The following NR1D2 variants were observed in gnomAD, a reference collection of about 807,000 sequenced individuals.
NR1D2 encodes the protein V-erbA-related protein 1-related.
A neutral mutation model predicts 52.2 loss-of-function variants in NR1D2; 25 were observed. The ratio of observed to expected loss-of-function variants is 0.48; its 90% CI spans 0.35 to 0.67. The LOEUF is 0.67. NR1D2 is among the 30% of genes least tolerant of loss of function. NR1D2 has a pLI of 0.01. For synonymous variants in NR1D2, 259 were observed against 230.1 expected, an observed-to-expected ratio of 1.13 and a Z score of -1.14; for missense variants, 681 against 707.2, an observed-to-expected ratio of 0.96 and a Z score of 0.42.
intron 6 of NR1D2, among the ~76,000 whole-genome samples, chr3:23,966,135 C>T (rs546605285): frequency 1.1e-4 from 17 of 152,154 alleles, no homozygotes; most frequent in Non-Finnish European, 2.5e-4. Context: ...TGTGAGATGC[C>T]TTGGGACCTA....
intron 6 of NR1D2, among the ~76,000 whole-genome samples, chr3:23,967,480 G>C (rs1575157258): frequency 1.3e-5 from 2 of 152,132 alleles, no homozygotes; most frequent in South Asian, 4.1e-4. Context: ...GTTGGGCGTG[G>C]TGGCGCACAC....
At chr3:23,963,365 T>C in intron 5 of NR1D2, 1 of 1,310,988 alleles carries the variant, frequency 7.6e-7, no homozygotes, top group Non-Finnish European at 1.0e-6. Flanking sequence ...TTCAAAATAG[T>C]TGACTCTACC....
intron 2 of NR1D2, among the ~76,000 whole-genome samples, chr3:23,955,055 A>G (rs1367141655): frequency 6.6e-6 from 1 of 152,210 alleles, no homozygotes; most frequent in African/African-American, 2.4e-5. Context: ...CCTCTAGGGT[A>G]CCCTCTTTTA....
intron 1 of NR1D2, among the ~76,000 whole-genome samples, chr3:23,951,568 A>G (rs549567933): frequency 1.3e-5 from 2 of 152,366 alleles, no homozygotes; most frequent in African/African-American, 4.8e-5. Flanking sequence ...GGTTTTATCC[A>G]GTAACATGAC....
In NR1D2 at chr3:23,977,561, A is replaced by G. The variant is rs554176425; in HGVS notation, c.*142A>G. On this transcript the variant is annotated 3_prime_UTR_variant, in exon 8 of 8. Coordinates refer to ENST00000312521, the MANE Select transcript of NR1D2 (RefSeq NM_005126.5). ...TGTAGGCTATCTCTGTAATCATGCA[A>G]TAGCTGTTCGGATTGAGAACTCTTC... The G allele has an allele frequency of 4.2e-5, 21 of 496,136 alleles. No homozygotes were observed. In the South Asian group the frequency reaches 6.2e-4, roughly 15 times the overall value. The allele number at this position is 496,136 out of a possible 1,614,324, so 30.7% of individuals were successfully genotyped here.
intron 1 of NR1D2, among the ~76,000 whole-genome samples, chr3:23,949,691 G>C (rs1705872268): frequency 6.6e-6 from 1 of 152,156 alleles, no homozygotes; most frequent in Admixed American, 6.5e-5. Context: ...TACCACCCTT[G>C]GAGTAGAAAT....
intron 7 of NR1D2, among the ~76,000 whole-genome samples, chr3:23,972,598 G>C (rs1240515215): frequency 6.6e-6 from 1 of 152,166 alleles, no homozygotes; most frequent in Non-Finnish European, 1.5e-5. Flanking sequence ...TTTGTTGAAG[G>C]TTTGACTTTC....
In NR1D2 at chr3:23,968,045, T is replaced by G. The variant is rs1173738482; in HGVS notation, c.1543+22T>G. 3 of 1,602,378 alleles carry G rather than the reference T, an allele frequency of 1.9e-6. No homozygotes were observed. In the Admixed American group the frequency reaches 5.0e-5, roughly 27 times the overall value. The stretch of plus-strand genomic sequence containing the variant: ...GCAGGTAAGCAAGCTGGTTCAAAAT[T>G]GTGCCACACCTAGCATATAGTGACC... On this transcript the variant is annotated intron_variant, in intron 7 of 7. Transcript: ENST00000312521.
intron 7 of NR1D2, among the ~76,000 whole-genome samples, chr3:23,970,527 CTT>C (rs1274244079): frequency 2.0e-5 from 3 of 152,106 alleles, no homozygotes; most frequent in Non-Finnish European, 4.4e-5. Flanking sequence ...ATTGGGGAGT[CTT>C]TATCCATTTA....
chr3:23,949,193 T>G (rs963749516), intron 1 of NR1D2, among the ~76,000 whole-genome samples: 3 of 152,052 alleles, frequency 2.0e-5, no homozygotes, highest in African/African-American at 7.2e-5. Flanking sequence ...TGTGAAACCC[T>G]GTCTCTACTA....
chr3:23,950,902 C>CTTTTTTTTTTTTTTTT (rs1181448290), intron 1 of NR1D2, among the ~76,000 whole-genome samples: 2 of 123,106 alleles, frequency 1.6e-5, no homozygotes, highest in African/African-American at 3.3e-5. Flanking sequence ...CTTTCTTTTT[C>CTTTTTTTTTTTTTTTT]TTTTTTTTTT....
intron 4 of NR1D2, 164 bp downstream of exon 4, chr3:23,959,979 G>T (rs1016811732): frequency 5.8e-6 from 3 of 514,388 alleles, no homozygotes; most frequent in South Asian, 1.3e-4. Context: ...GATTAAAGTC[G>T]TATTTTAGCA....
intron 1 of NR1D2, 68 bp downstream of exon 1, chr3:23,945,662 G>T (rs561866720): frequency 5.5e-6 from 6 of 1,082,182 alleles, no homozygotes; most frequent in South Asian, 4.5e-5. Flanking sequence ...GGGCACTTTG[G>T]GGGGCGGCGG....
At chr3:23,953,515 G>A (rs1706001801) in intron 1 of NR1D2, among the ~76,000 whole-genome samples, 1 of 152,090 alleles carries the variant, frequency 6.6e-6, no homozygotes, top group Non-Finnish European at 1.5e-5. Flanking sequence ...CACCTATAAA[G>A]AGCGAGTCAG....
At chr3:23,962,701 C>G in intron 5 of NR1D2, 96 bp downstream of exon 5, 1 of 1,186,504 alleles carries the variant, frequency 8.4e-7, no homozygotes, top group South Asian at 1.6e-5. Flanking sequence ...GGGATGGTGT[C>G]AGGAAACCTA....
At chr3:23,969,744 A>G (rs1483493304) in intron 7 of NR1D2, among the ~76,000 whole-genome samples, 2 of 152,232 alleles carry the variant, frequency 1.3e-5, no homozygotes, top group Non-Finnish European at 2.9e-5. Flanking sequence ...AAAGAGCTTT[A>G]TGCTACTAAA....
chr3:23,977,355 C>T lies in NR1D2; in HGVS notation c.1676C>T (p.Pro559Leu), dbSNP rs759217409. The T allele has an allele frequency of 1.9e-6, 3 of 1,613,704 alleles. No homozygotes were observed. Among genetic ancestry groups the T allele is most frequent in the Non-Finnish European group, 1.7e-6 (2 of 1,179,820 alleles). ...SIFTKLLLKL[P>L]DLRSLNNMHS... is the part of the protein sequence containing the mutation. Reference sequence around the variant, plus strand: ...TTTACAAAACTGCTTCTAAAGTTGCCAGATCTTCGATCTTTAAACAACATG... The same window carrying T: ...TTTACAAAACTGCTTCTAAAGTTGCTAGATCTTCGATCTTTAAACAACATG... Residue 559 changes from proline (P) to leucine (L), a missense_variant, in exon 8 of 8, where the codon CCA becomes CTA. Pro to Leu is a moderately conservative substitution (Grantham distance 98, BLOSUM62 -3). This residue lies in a region of NR1D2 where 475 missense variants were observed against 454.5 expected (regional missense o/e 1.05). Transcript: ENST00000312521.
chr3:23,970,837 AAT>A (rs1706568530), intron 7 of NR1D2, among the ~76,000 whole-genome samples: 1 of 152,070 alleles, frequency 6.6e-6, no homozygotes, highest in Admixed American at 6.5e-5. Context: ...GCTGGAGTGC[AAT>A]GGCATGATCT....
At chr3:23,969,465 A>T (rs1248437074) in intron 7 of NR1D2, among the ~76,000 whole-genome samples, 1 of 152,200 alleles carries the variant, frequency 6.6e-6, no homozygotes, top group Non-Finnish European at 1.5e-5. Flanking sequence ...TGAAAGGAAT[A>T]TGTCAATAAG....
Sources: gnomAD v4.1 joint callset for allele counts (sites outside exome capture counted in the v4.1 genomes callset) on GRCh38, gnomAD v4.1.1 for gene constraint, gnomAD v4.1.1 regional missense constraint, MANE v1.5 for transcripts, NCBI Gene and HGNC (gene_info 2026-07-23, HGNC 2026-07-21) for gene names.